PCDH15: variants seen among roughly 807,000 people sequenced by gnomAD.
The protein encoded by PCDH15 is protocadherin-15.
A neutral mutation model predicts 178.5 loss-of-function variants in PCDH15; 129 were observed. That is an observed-to-expected ratio of 0.72 (90% confidence interval 0.63 to 0.84). The LOEUF (loss-of-function observed/expected upper bound fraction) is 0.84. PCDH15 is among the 40% of genes least tolerant of loss of function. PCDH15 has a pLI of 0.00. For synonymous variants in PCDH15, 800 were observed against 732.0 expected (o/e 1.09, Z -1.50); for missense variants, 2,230 against 2,099.9 (o/e 1.06, Z -1.21).
intron 3 of PCDH15, among the ~76,000 whole-genome samples, chr10:54,856,012 G>C (rs538278001): frequency 5.9e-5 from 9 of 152,294 alleles, no homozygotes; most frequent in South Asian, 2.1e-4. Flanking sequence ...AATAGAAACA[G>C]TATCAATTGC....
intron 3 of PCDH15, among the ~76,000 whole-genome samples, chr10:54,512,359 T>TTGTGTG (rs200575121): frequency 0.032 from 4,297 of 134,054 alleles, 122 homozygotes; most frequent in African/African-American, 0.066. Flanking sequence ...ATTTCTGGCA[T>TTGTGTG]TGTGTGTGTG....
At position 55,361,279 on chromosome 10, in the gene PCDH15, T is replaced by C. The variant is rs140613582; in HGVS notation, c.-155-194628A>G. On this transcript the variant is annotated intron_variant, in intron 2 of 5. Transcript: ENST00000613346. The stretch of plus-strand genomic sequence containing the variant: ...CTTTATGTGGTGCTATTTACAGTGA[T>C]GTTTTTTATTTTCTAAAATTTCACT... Among the ~76,000 whole-genome samples, 331 of 152,158 alleles carry C rather than the reference T, an allele frequency of 2.2e-3. 3 individuals carry two copies. The highest frequency in any genetic ancestry group is 7.6e-3 in the African/African-American group (315 of 41,574).
chr10:54,125,850 G>C (rs1429598364), intron 15 of PCDH15, among the ~76,000 whole-genome samples: 1 of 151,968 alleles, frequency 6.6e-6, no homozygotes, highest in African/African-American at 2.4e-5. Flanking sequence ...GTGTCAGTTT[G>C]TTCTTTAAAT....
intron 1 of PCDH15, among the ~76,000 whole-genome samples, chr10:54,677,851 T>C (rs976881500): frequency 2.0e-5 from 3 of 152,214 alleles, no homozygotes; most frequent in African/African-American, 7.2e-5. Context: ...TAAGGATCTG[T>C]TAGTAACATG....
chr10:55,446,075 G>C (rs1300485813), intron 2 of PCDH15, among the ~76,000 whole-genome samples: 1 of 152,064 alleles, frequency 6.6e-6, no homozygotes, highest in Non-Finnish European at 1.5e-5. Context: ...AGGCCATCCA[G>C]TTTGCAACCA....
chr10:55,582,085 C>T (rs1021892495), intron 2 of PCDH15, among the ~76,000 whole-genome samples: 1 of 152,160 alleles, frequency 6.6e-6, no homozygotes, highest in Non-Finnish European at 1.5e-5. Context: ...CGTGTGGACA[C>T]GGAGGCCTCC....
At chr10:54,753,859 G>GTT (rs11462330) in intron 1 of PCDH15, among the ~76,000 whole-genome samples, 1,566 of 92,526 alleles carry the variant, frequency 0.017, 26 homozygotes, top group Admixed American at 0.054. Flanking sequence ...TTTTTCTATT[G>GTT]TTTTTTTTTT....
At chr10:54,152,893 A>G (rs1325774616) in intron 14 of PCDH15, among the ~76,000 whole-genome samples, 2 of 152,140 alleles carry the variant, frequency 1.3e-5, no homozygotes, top group Admixed American at 1.3e-4. Flanking sequence ...TCCATAATAA[A>G]TTTGAAATAT....
At chr10:54,860,108 A>C (rs1394886032) in intron 3 of PCDH15, among the ~76,000 whole-genome samples, 1 of 151,934 alleles carries the variant, frequency 6.6e-6, no homozygotes, top group Non-Finnish European at 1.5e-5. Flanking sequence ...GGTGTGTTTA[A>C]AATTATTCTT....
intron 2 of PCDH15, among the ~76,000 whole-genome samples, chr10:55,402,174 C>G (rs1838086774): frequency 6.7e-6 from 1 of 150,342 alleles, no homozygotes; most frequent in South Asian, 2.1e-4. Flanking sequence ...TAGTCAATGA[C>G]TTACACAGTG....
At chr10:55,269,313 C>A (rs1460602789) in intron 1 of PCDH15, among the ~76,000 whole-genome samples, 2 of 151,418 alleles carry the variant, frequency 1.3e-5, no homozygotes, top group Admixed American at 6.6e-5. Flanking sequence ...AAAAAAAAGG[C>A]ATTCAAATAG....
chr10:54,247,907 G>T (rs1489942204), intron 8 of PCDH15, among the ~76,000 whole-genome samples: 1 of 145,256 alleles, frequency 6.9e-6, no homozygotes, highest in Non-Finnish European at 1.5e-5. Flanking sequence ...TATCTACATT[G>T]CATGATTGAT....
chr10:54,539,500 A>G (rs2084958401), intron 2 of PCDH15, among the ~76,000 whole-genome samples: 1 of 152,198 alleles, frequency 6.6e-6, no homozygotes, highest in Non-Finnish European at 1.5e-5. Flanking sequence ...CTAAACCTAC[A>G]AAAAGACTGA....
intron 2 of PCDH15, chr10:54,575,405 T>C (rs1248835147): frequency 6.5e-6 from 1 of 153,016 alleles, no homozygotes; most frequent in Non-Finnish European, 1.5e-5. Flanking sequence ...ATTAGCCAAG[T>C]TATTTTATTA....
At chr10:54,123,437 A>C (rs1052919200) in intron 15 of PCDH15, among the ~76,000 whole-genome samples, 1 of 152,168 alleles carries the variant, frequency 6.6e-6, no homozygotes, top group African/African-American at 2.4e-5. Context: ...AATATCACTA[A>C]TCATCAGAGA....
chr10:54,478,832 T>A (rs2078476229), intron 3 of PCDH15, among the ~76,000 whole-genome samples: 1 of 152,066 alleles, frequency 6.6e-6, no homozygotes, highest in African/African-American at 2.4e-5. Flanking sequence ...GCAAATGGCA[T>A]GTTATAAAAT....
intron 2 of PCDH15, among the ~76,000 whole-genome samples, chr10:55,506,989 G>A (rs900272905): frequency 2.0e-5 from 3 of 151,258 alleles, no homozygotes; most frequent in Admixed American, 6.6e-5. Context: ...TGGAATATTT[G>A]TTAAATTAAG....
chr10:55,412,414 T>A (rs1161682877), intron 2 of PCDH15, among the ~76,000 whole-genome samples: 1 of 152,106 alleles, frequency 6.6e-6, no homozygotes, highest in East Asian at 1.9e-4. Flanking sequence ...GAATGCTTGA[T>A]AGACAAAAGC....
At chr10:55,553,755 TATG>T (rs1171652349) in intron 2 of PCDH15, among the ~76,000 whole-genome samples, 1 of 151,998 alleles carries the variant, frequency 6.6e-6, no homozygotes, top group Non-Finnish European at 1.5e-5. Flanking sequence ...AGTTAACTAA[TATG>T]ATGAGTATGT....
Sources: allele counts gnomAD v4.1 joint callset (sites outside exome capture counted in the v4.1 genomes callset), GRCh38; gene constraint gnomAD v4.1.1; transcripts MANE v1.5; gene names NCBI Gene and HGNC (gene_info 2026-07-23, HGNC 2026-07-21).